CRYBG1: variants seen among roughly 807,000 people sequenced by gnomAD.
CRYBG1 encodes crystallin beta-gamma domain containing 1, also known as beta/gamma crystallin domain-containing protein 1.
A neutral mutation model predicts 189.2 loss-of-function variants in CRYBG1; 139 were observed. The ratio of observed to expected loss-of-function variants is 0.73; its 90% CI spans 0.64 to 0.85. The LOEUF (loss-of-function observed/expected upper bound fraction) is 0.85, where lower values mean the gene tolerates loss of function less well. Ranked by LOEUF, CRYBG1 falls within the 40% of genes least tolerant of loss-of-function variation. CRYBG1 has a pLI of 0.00. For missense variants in CRYBG1, 2,611 were observed against 2,675.8 expected (o/e 0.98, Z 0.53); for synonymous variants, 1,023 against 1,017.1 (o/e 1.01, Z -0.11).
intron 1 of CRYBG1, among the ~76,000 whole-genome samples, chr6:106,416,999 CTTTT>C (rs71663353): frequency 2.9e-5 from 2 of 69,498 alleles, no homozygotes; most frequent in South Asian, 1.2e-3. Flanking sequence ...ATGGGATTTA[CTTTT>C]TTTTTTTTTT....
intron 1 of CRYBG1, among the ~76,000 whole-genome samples, chr6:106,392,137 CTG>C (rs1261120477): frequency 6.6e-6 from 1 of 152,104 alleles, no homozygotes; most frequent in African/African-American, 2.4e-5. Context: ...CCCCGCGAAT[CTG>C]TGTGGCTGTG....
intron 10 of CRYBG1, among the ~76,000 whole-genome samples, chr6:106,542,381 C>T (rs1369005733): frequency 6.7e-6 from 1 of 149,758 alleles, no homozygotes; most frequent in Non-Finnish European, 1.5e-5. Flanking sequence ...TTCTCCAGCT[C>T]AAGCCATCCT....
intron 1 of CRYBG1, among the ~76,000 whole-genome samples, chr6:106,417,621 C>T (rs1446139355): frequency 6.6e-6 from 1 of 152,244 alleles, no homozygotes; most frequent in Non-Finnish European, 1.5e-5. Flanking sequence ...ATCTTATTGA[C>T]ACAGGAATTT....
chr6:106,426,744 C>G (rs1428634479), intron 1 of CRYBG1, among the ~76,000 whole-genome samples: 1 of 152,242 alleles, frequency 6.6e-6, no homozygotes, highest in East Asian at 1.9e-4. Flanking sequence ...GAAGAATGCA[C>G]CAGGCATGCT....
chr6:106,415,246 G>A (rs1373159084), intron 1 of CRYBG1, among the ~76,000 whole-genome samples: 1 of 152,230 alleles, frequency 6.6e-6, no homozygotes, highest in Non-Finnish European at 1.5e-5. Context: ...TTTTCAGGAA[G>A]TGGCCATTAT....
chr6:106,434,875 T>C (rs1771426161), intron 1 of CRYBG1, among the ~76,000 whole-genome samples: 1 of 152,248 alleles, frequency 6.6e-6, no homozygotes. Context: ...AGGGAAAAGA[T>C]TTACTTGTAA....
chr6:106,470,758 A>G (rs1017854703), intron 2 of CRYBG1, among the ~76,000 whole-genome samples: 2 of 152,152 alleles, frequency 1.3e-5, no homozygotes, highest in Non-Finnish European at 2.9e-5. Flanking sequence ...TCACTCTTAA[A>G]GGGCCACATT....
chr6:106,445,973 G>A (rs1386149853), intron 1 of CRYBG1, among the ~76,000 whole-genome samples: 3 of 152,094 alleles, frequency 2.0e-5, no homozygotes, highest in African/African-American at 7.2e-5. Context: ...GCCTCTTTGT[G>A]AGCCTGGGCT....
At chr6:106,477,957 A>C (rs559125717) in intron 2 of CRYBG1, among the ~76,000 whole-genome samples, 17 of 152,380 alleles carry the variant, frequency 1.1e-4, no homozygotes, top group African/African-American at 2.9e-4. Flanking sequence ...AGGGCAGAGA[A>C]AAGCTCAGCA....
intron 16 of CRYBG1, among the ~76,000 whole-genome samples, chr6:106,554,001 GGGA>G (rs1430874003): frequency 1.3e-5 from 2 of 152,136 alleles, no homozygotes; most frequent in Admixed American, 1.3e-4. Context: ...GCTTTGTACT[GGGA>G]GGAGAAGCAA....
At position 106,433,729 on chromosome 6, in the gene CRYBG1, A is replaced by ATATATATATATG. The variant is rs546769364; in HGVS notation, c.174-17959_174-17958insTATATGTATATA. ...GCTAGAAACTGGGAAATATATATAT[A>ATATATATATATG]TATATACATATATATGTATATATAT... is the stretch of plus-strand genomic sequence containing the variant. On this transcript the variant is annotated intron_variant, in intron 1 of 21. Coordinates refer to ENST00000633556, the MANE Select transcript of CRYBG1 (RefSeq NM_001371242.2). Among the ~76,000 whole-genome samples the ATATATATATATG allele has an allele frequency of 5.3e-3, 291 of 55,128 alleles. 9 individuals are homozygous for ATATATATATATG. Among genetic ancestry groups the ATATATATATATG allele is most frequent in the African/African-American group, 0.024 (278 of 11,518 alleles). The allele number at this position is 55,128 out of a possible 152,430, so 36.2% of individuals were successfully genotyped here.
chr6:106,565,835 T>A (rs965532476), intron 21 of CRYBG1, among the ~76,000 whole-genome samples: 3 of 152,214 alleles, frequency 2.0e-5, no homozygotes, highest in African/African-American at 7.2e-5. Flanking sequence ...ATTATGCAGA[T>A]CTTTGTTTAT....
Position 106,560,904 on chromosome 6 carries a change from G to A in CRYBG1, c.5957G>A (p.Gly1986Asp). ...WYEFSGCRQI[G>D]SLRPFVQKRI... ...GAATTCAGTGGCTGTCGCCAAATAG[G>A]TTCTCTACGACCTTTTGTTCAGGTA... Residue 1986 changes from glycine (G) to aspartate (D), a missense_variant, in exon 19 of 22, where the codon GGT becomes GAT. Gly to Asp is a moderately conservative substitution (Grantham distance 94). This residue lies in a region of CRYBG1 where 1,622 missense variants were observed against 1,735.0 expected (regional missense o/e 0.93). Coordinates refer to ENST00000633556, the MANE Select transcript of CRYBG1 (RefSeq NM_001371242.2). The A allele has an allele frequency of 6.2e-7, 1 of 1,611,618 alleles. No individual in the cohort carries two copies. The highest frequency in any genetic ancestry group is 1.1e-5 in the South Asian group (1 of 90,624).
At chr6:106,504,960 AG>A (rs1582802100) in intron 2 of CRYBG1, among the ~76,000 whole-genome samples, 1 of 151,426 alleles carries the variant, frequency 6.6e-6, no homozygotes, top group East Asian at 1.9e-4. Context: ...AAAAAAAAAA[AG>A]AATCATGTCT....
intron 6 of CRYBG1, among the ~76,000 whole-genome samples, chr6:106,526,611 T>C (rs574979334): frequency 6.6e-6 from 1 of 152,206 alleles, no homozygotes; most frequent in South Asian, 2.1e-4. Context: ...AATATGTAAG[T>C]TAAAGTCTCT....
At chr6:106,378,802 C>T (rs1770226373) in intron 1 of CRYBG1, among the ~76,000 whole-genome samples, 1 of 152,138 alleles carries the variant, frequency 6.6e-6, no homozygotes, top group African/African-American at 2.4e-5. Flanking sequence ...TTTTCTTCCT[C>T]CTCCTCCTGT....
In CRYBG1 at chr6:106,512,636, C is replaced by T. The variant is rs747362314; in HGVS notation, c.1519C>T (p.Pro507Ser). The T allele has an allele frequency of 7.5e-6, 12 of 1,590,978 alleles. No homozygotes were observed. Among genetic ancestry groups the T allele is most frequent in the Non-Finnish European group, 8.5e-6 (10 of 1,169,784 alleles). The change falls in exon 3 of 22, where the codon CCC (proline) becomes TCC (serine). Residue 507 changes from proline (P) to serine (S), a missense_variant. Pro to Ser is a moderately conservative substitution (Grantham distance 74, BLOSUM62 -1). Around this residue, in one of 3 missense-constraint regions of CRYBG1, gnomAD observed 985 missense variants for 924.4 expected, o/e 1.07. Coordinates refer to ENST00000633556, the MANE Select transcript of CRYBG1 (RefSeq NM_001371242.2). Reference sequence around the variant, plus strand: ...GGAGTCGGACCGGAGCAAACAGCCACCCCCGGCTTCGTCCCCCACGAAGAG... The same window carrying T: ...GGAGTCGGACCGGAGCAAACAGCCATCCCCGGCTTCGTCCCCCACGAAGAG... ...RGESDRSKQP[P>S]PASSPTKRKG...
At chr6:106,543,814 G>A (rs1774196335) in intron 11 of CRYBG1, among the ~76,000 whole-genome samples, 1 of 152,210 alleles carries the variant, frequency 6.6e-6, no homozygotes. Context: ...CACTTTGGGA[G>A]GCCAAGGCGG....
At chr6:106,552,094 G>C in intron 14 of CRYBG1, 90 bp from the exon 15 acceptor site, 10 of 1,429,774 alleles carry the variant, frequency 7.0e-6, no homozygotes, top group African/African-American at 4.3e-5. Flanking sequence ...TTTATTTTTA[G>C]CAGTAATTGC....
Sources: allele counts gnomAD v4.1 joint callset (sites outside exome capture counted in the v4.1 genomes callset), GRCh38; gene constraint gnomAD v4.1.1; regional missense constraint gnomAD v4.1.1; transcripts MANE v1.5; gene names NCBI Gene and HGNC (gene_info 2026-07-23, HGNC 2026-07-21).